The following USP25 variants were observed in gnomAD, a reference collection of about 807,000 sequenced individuals.
The protein encoded by USP25 is ubiquitin carboxyl-terminal hydrolase 25.
Under a neutral mutation model 158.5 loss-of-function variants are expected in USP25, and 85 were observed. That is an observed-to-expected ratio of 0.54 (90% CI 0.45 to 0.64). The LOEUF is 0.64. USP25 is among the 30% of genes least tolerant of loss of function. USP25 has a pLI of 0.00. For missense variants in USP25, 1,242 were observed against 1,327.3 expected (o/e 0.94, Z 1.00); for synonymous variants, 464 against 460.4 (o/e 1.01, Z -0.10).
intron 7 of USP25, among the ~76,000 whole-genome samples, chr21:15,807,973 A>AT (rs1193037467): frequency 6.6e-6 from 1 of 152,124 alleles, no homozygotes; most frequent in Non-Finnish European, 1.5e-5. Flanking sequence ...TAGTTTCAAC[A>AT]TTTTTTTGAG....
chr21:15,873,572 G>C (rs2039979199), intron 23 of USP25, among the ~76,000 whole-genome samples: 1 of 151,694 alleles, frequency 6.6e-6, no homozygotes, highest in Admixed American at 6.6e-5. Flanking sequence ...CGTGATCTCA[G>C]CTCACCTCAC....
chr21:15,845,719 A>G (rs935757622), intron 18 of USP25, among the ~76,000 whole-genome samples: 2 of 152,120 alleles, frequency 1.3e-5, no homozygotes, highest in African/African-American at 2.4e-5. Context: ...TTTGCTAGTG[A>G]GAAATCATCA....
chr21:15,828,430 G>A (rs1055639712), intron 14 of USP25, among the ~76,000 whole-genome samples: 4 of 152,136 alleles, frequency 2.6e-5, no homozygotes, highest in African/African-American at 9.7e-5. Flanking sequence ...AGAAGTGAAT[G>A]TACTTAAAAT....
intron 24 of USP25, 178 bp from the exon 25 acceptor site, chr21:15,877,618 C>G (rs1362211795): frequency 2.0e-6 from 1 of 495,920 alleles, no homozygotes. Context: ...ATATGCATAG[C>G]TTTTTCTAAA....
chr21:15,851,242 AT>A (rs1324472573), intron 20 of USP25, among the ~76,000 whole-genome samples: 1 of 152,056 alleles, frequency 6.6e-6, no homozygotes, highest in African/African-American at 2.4e-5. Flanking sequence ...TGCAAATCTC[AT>A]TTTTATTAAG....
At chr21:15,800,794 GT>G (rs2036095910) in intron 6 of USP25, among the ~76,000 whole-genome samples, 1 of 151,394 alleles carries the variant, frequency 6.6e-6, no homozygotes, top group Non-Finnish European at 1.5e-5. Flanking sequence ...TCGTTTTAGC[GT>G]TTAATTTTTA....
chr21:15,878,235 A>T, intron 25 of USP25, 68 bp from the exon 26 acceptor site: 1 of 1,541,052 alleles, frequency 6.5e-7, no homozygotes, highest in Non-Finnish European at 8.8e-7. Flanking sequence ...TAATATTAGT[A>T]AATCATGTTG....
At chr21:15,793,464 TAAG>T (rs2035702324) in intron 5 of USP25, among the ~76,000 whole-genome samples, 1 of 150,838 alleles carries the variant, frequency 6.6e-6, no homozygotes, top group Non-Finnish European at 1.5e-5. Context: ...TTTTTTTTTT[TAAG>T]AAGGAGGGAA....
rs769884466 is a variant in USP25, at chr21:15,799,553, G to T, written c.556-204G>T. On this transcript the variant is annotated intron_variant, in intron 5 of 25. Coordinates refer to ENST00000400183, the MANE Select transcript of USP25 (RefSeq NM_001283041.3). ...TAAAAAGTTGTCCAAATATAATCTT[G>T]TGCACTATCAAGTATCAAGAATGGT... 2.6e-5 allele frequency: 10 copies of T among 384,132 alleles called. No individual in the cohort carries two copies. The South Asian group carries it at 3.3e-4, about 13-fold the overall frequency. The allele number at this position is 384,132 out of a possible 1,614,324, so 23.8% of individuals were successfully genotyped here.
At chr21:15,776,467 A>G (rs1027496989) in intron 3 of USP25, among the ~76,000 whole-genome samples, 1 of 152,070 alleles carries the variant, frequency 6.6e-6, no homozygotes, top group African/African-American at 2.4e-5. Context: ...ATCAATATAC[A>G]TTACTTTTTT....
intron 4 of USP25, among the ~76,000 whole-genome samples, chr21:15,782,046 A>G (rs1034836575): frequency 1.3e-5 from 2 of 152,184 alleles, no homozygotes; most frequent in Admixed American, 1.3e-4. Context: ...TCTAGCACTA[A>G]TACCTTGGCT....
chr21:15,730,186 G>A lies in USP25; in HGVS notation c.-208G>A. ...CGCGTGGAGACGTGAGGCGGCCGCC[G>A]TGGCCCTCACAGTCGGCGTTTCGCC... On this transcript the variant is annotated 5_prime_UTR_variant, in exon 1 of 26. It adds an upstream start codon to the 5' untranslated region. Transcript: ENST00000400183. 6.3e-6 allele frequency: 2 copies of A among 315,380 alleles called. No homozygotes were observed. The highest frequency in any genetic ancestry group is 9.2e-6 in the Non-Finnish European group (2 of 218,180). 19.5% of individuals were successfully genotyped at this position (315,380 alleles called of 1,614,324 possible).
chr21:15,860,810 A>T (rs758140868), intron 20 of USP25, among the ~76,000 whole-genome samples: 1 of 152,042 alleles, frequency 6.6e-6, no homozygotes, highest in African/African-American at 2.4e-5. Flanking sequence ...GCCTTATTCT[A>T]TGTCACAATT....
intron 6 of USP25, among the ~76,000 whole-genome samples, chr21:15,800,798 A>G (rs1404623351): frequency 6.6e-6 from 1 of 151,530 alleles, no homozygotes; most frequent in Non-Finnish European, 1.5e-5. Context: ...TTTAGCGTTT[A>G]ATTTTTAAAA....
intron 9 of USP25, among the ~76,000 whole-genome samples, chr21:15,813,383 A>G (rs1967332674): frequency 2.0e-5 from 3 of 152,336 alleles, no homozygotes; most frequent in South Asian, 2.1e-4. Flanking sequence ...CTAATTTTAC[A>G]TTTGTAGTTT....
chr21:15,858,330 A>T (rs978585006), intron 20 of USP25, among the ~76,000 whole-genome samples: 2 of 151,612 alleles, frequency 1.3e-5, no homozygotes, highest in Non-Finnish European at 1.5e-5. Flanking sequence ...ACGCCTTTTC[A>T]CTTTTATTGT....
At chr21:15,866,484 G>T in intron 22 of USP25, 140 bp downstream of exon 22, 1 of 458,034 alleles carries the variant, frequency 2.2e-6, no homozygotes, top group Non-Finnish European at 3.6e-6. Context: ...CAATGCTCAA[G>T]TAATTAATAA....
chr21:15,845,149 G>T (rs1489561246), intron 18 of USP25, among the ~76,000 whole-genome samples: 1 of 152,046 alleles, frequency 6.6e-6, no homozygotes, highest in Admixed American at 6.6e-5. Flanking sequence ...AAAGGTAAAG[G>T]CACATTAATG....
chr21:15,777,125 ATTAG>A (rs2034700809), intron 3 of USP25, among the ~76,000 whole-genome samples: 1 of 152,218 alleles, frequency 6.6e-6, no homozygotes. Flanking sequence ...TGAAGGCGGT[ATTAG>A]TTGTAACCTT....
Sources: allele counts gnomAD v4.1 joint callset (sites outside exome capture counted in the v4.1 genomes callset), GRCh38; gene constraint gnomAD v4.1.1; transcripts MANE v1.5; gene names NCBI Gene and HGNC (gene_info 2026-07-23, HGNC 2026-07-21).